Variants in SDK1 observed in about 807,000 individuals in gnomAD.
The protein encoded by SDK1 is protein sidekick-1.
In SDK1, 157 loss-of-function variants were observed where a neutral mutation model predicts 245.5. The ratio of observed to expected loss-of-function variants is 0.64; its 90% CI spans 0.56 to 0.73. The LOEUF is 0.73. SDK1 is among the 30% of genes least tolerant of loss of function. SDK1 has a pLI of 0.00. For missense variants in SDK1, 3,583 were observed against 3,002.3 expected, an observed-to-expected ratio of 1.19 and a Z score of -4.52; for synonymous variants, 1,647 against 1,278.5, an observed-to-expected ratio of 1.29 and a Z score of -6.15.
At chr7:4,119,744 C>G (rs1205676216) in intron 25 of SDK1, among the ~76,000 whole-genome samples, 1 of 148,606 alleles carries the variant, frequency 6.7e-6, no homozygotes, top group Non-Finnish European at 1.5e-5. Flanking sequence ...CCAAATTATC[C>G]AAAATAAAAA....
chr7:4,046,742 T>G (rs1381853827), intron 17 of SDK1, among the ~76,000 whole-genome samples: 1 of 152,206 alleles, frequency 6.6e-6, no homozygotes, highest in Non-Finnish European at 1.5e-5. Flanking sequence ...CAGACTTGCT[T>G]TGGCTATTCT....
rs556352884 is a variant in SDK1 at position 3,585,013 on chromosome 7, C to T, written c.299-34067C>T. 7.2e-5 allele frequency among the ~76,000 whole-genome samples: 11 copies of T among 152,228 alleles called. No homozygotes were observed. In the South Asian group the frequency reaches 1.9e-3, roughly 26 times the overall value. ...TGCTGGGATTACAGACGTGAGCCAC[C>T]GCGCCCAGCCAACTTCACGTTTTGA... is the stretch of plus-strand genomic sequence containing the variant. On this transcript the variant is annotated intron_variant, in intron 1 of 44. Transcript: ENST00000404826.
At chr7:3,818,065 T>C (rs1364518129) in intron 4 of SDK1, among the ~76,000 whole-genome samples, 1 of 152,254 alleles carries the variant, frequency 6.6e-6, no homozygotes, top group Non-Finnish European at 1.5e-5. Context: ...CTCATCCATA[T>C]TGTACTCAGT....
chr7:3,813,922 G>A (rs200036983), intron 4 of SDK1, among the ~76,000 whole-genome samples: 1 of 132,898 alleles, frequency 7.5e-6, no homozygotes, highest in East Asian at 2.1e-4. Context: ...TTTGAGAAGT[G>A]TCTGTTCATG....
At chr7:4,093,458 C>CAAAAAAAAAAAA (rs71032922) in intron 22 of SDK1, among the ~76,000 whole-genome samples, 2 of 77,782 alleles carry the variant, frequency 2.6e-5, no homozygotes, top group Non-Finnish European at 5.7e-5. Flanking sequence ...AAATGGAAAG[C>CAAAAAAAAAAAA]AAAAAAAAAA....
chr7:3,981,591 C>G (rs10245473), intron 13 of SDK1, among the ~76,000 whole-genome samples: 4,397 of 152,264 alleles, frequency 0.029, 197 homozygotes, highest in African/African-American at 0.098. Context: ...TTAAAGTGCT[C>G]CAGGGAACAC....
At position 4,113,437 on chromosome 7, in the gene SDK1, G is replaced by A. The variant is rs752323970; in HGVS notation, c.3583G>A (p.Val1195Met). 3 of 1,613,682 alleles carry A rather than the reference G, an allele frequency of 1.9e-6. No homozygotes were observed. Among genetic ancestry groups the A allele is most frequent in the Non-Finnish European group, 2.5e-6 (3 of 1,180,006 alleles). Reference protein sequence around the residue: ...ASETSLRLRWVPLPDSQYNGN... With the variant: ...ASETSLRLRWMPLPDSQYNGN... ...TGAGACCAGCCTGCGGCTTCGCTGG[G>A]TGGTGAGTGGGGGTGAGAAGGGAGG... The change falls in exon 24 of 45, where the codon GTG (valine) becomes ATG (methionine). Residue 1195 changes from valine to methionine, a missense_variant and splice_region_variant. Coordinates refer to ENST00000404826, the MANE Select transcript of SDK1 (RefSeq NM_152744.4).
chr7:3,858,668 A>T (rs1583483995), intron 5 of SDK1, among the ~76,000 whole-genome samples: 2 of 151,974 alleles, frequency 1.3e-5, no homozygotes, highest in African/African-American at 4.8e-5. Flanking sequence ...TCTAGGAAGC[A>T]CAAGTCCCAG....
intron 4 of SDK1, among the ~76,000 whole-genome samples, chr7:3,800,807 C>T (rs1367105997): frequency 6.6e-6 from 1 of 152,116 alleles, no homozygotes; most frequent in Non-Finnish European, 1.5e-5. Flanking sequence ...TCCTTCATAC[C>T]TTTTGAGATA....
chr7:3,341,687 T>A (rs1183605739), intron 1 of SDK1, among the ~76,000 whole-genome samples: 1 of 152,184 alleles, frequency 6.6e-6, no homozygotes, highest in Non-Finnish European at 1.5e-5. Flanking sequence ...AAAAACACAA[T>A]GCCATTTATG....
intron 5 of SDK1, among the ~76,000 whole-genome samples, chr7:3,944,307 G>A (rs1271899703): frequency 1.3e-5 from 2 of 152,238 alleles, no homozygotes; most frequent in African/African-American, 4.8e-5. Flanking sequence ...TGGGCAACAT[G>A]TGTAAATCAT....
At position 3,788,159 on chromosome 7, in the gene SDK1, G is replaced by C. The variant is rs546291136; in HGVS notation, c.714-33291G>C. 9.2e-5 allele frequency among the ~76,000 whole-genome samples: 14 copies of C among 152,296 alleles called. No individual in the cohort carries two copies. In the South Asian group the frequency reaches 2.5e-3, roughly 27 times the overall value. The stretch of plus-strand genomic sequence containing the variant: ...AAGCCACTCTGCACTCACTGGCTCT[G>C]GGAGAGAGTGCTCGGGCACCAGCTT... On this transcript the variant is annotated intron_variant, in intron 4 of 44. Transcript: ENST00000404826.
chr7:3,969,582 T>C (rs1183621696), intron 11 of SDK1, among the ~76,000 whole-genome samples, 158 bp downstream of exon 11: 2 of 152,220 alleles, frequency 1.3e-5, no homozygotes, highest in African/African-American at 2.4e-5. Flanking sequence ...TGTTGAGAAA[T>C]TAAATTTTCA....
chr7:4,065,535 A>G (rs1438039779), intron 19 of SDK1, among the ~76,000 whole-genome samples: 1 of 152,118 alleles, frequency 6.6e-6, no homozygotes, highest in African/African-American at 2.4e-5. Flanking sequence ...AAAATCTGTC[A>G]GAATGTCTTT....
At chr7:4,086,314 A>G (rs1781425082) in intron 22 of SDK1, among the ~76,000 whole-genome samples, 1 of 152,194 alleles carries the variant, frequency 6.6e-6, no homozygotes, top group African/African-American at 2.4e-5. Context: ...ACAAATCACC[A>G]AAAACTGAGT....
intron 5 of SDK1, among the ~76,000 whole-genome samples, chr7:3,892,883 C>T (rs538289530): frequency 6.6e-6 from 1 of 152,250 alleles, no homozygotes; most frequent in African/African-American, 2.4e-5. Flanking sequence ...CAATATTAAC[C>T]AAGAGTTAAG....
intron 1 of SDK1, among the ~76,000 whole-genome samples, chr7:3,562,513 T>G (rs1321620404): frequency 1.3e-5 from 2 of 152,140 alleles, no homozygotes; most frequent in Non-Finnish European, 2.9e-5. Context: ...AGGAACCCCT[T>G]GGGAGACTGA....
chr7:4,105,973 A>G (rs1442137729), intron 22 of SDK1, among the ~76,000 whole-genome samples: 2 of 152,216 alleles, frequency 1.3e-5, no homozygotes, highest in African/African-American at 2.4e-5. Context: ...GGGTTCCCCA[A>G]TCATTTGGCA....
chr7:3,725,314 G>A (rs1445110948), intron 4 of SDK1, among the ~76,000 whole-genome samples: 4 of 152,134 alleles, frequency 2.6e-5, no homozygotes, highest in African/African-American at 7.2e-5. Context: ...CTTTGAGTGA[G>A]GAAGGAACTG....
Sources: gnomAD v4.1 joint callset for allele counts (sites outside exome capture counted in the v4.1 genomes callset) on GRCh38, gnomAD v4.1.1 for gene constraint, MANE v1.5 for transcripts, NCBI Gene and HGNC (gene_info 2026-07-23, HGNC 2026-07-21) for gene names.